ZMPSTE24: variants seen among roughly 807,000 people sequenced by gnomAD.
ZMPSTE24 encodes CAAX prenyl protease 1 homolog.
In ZMPSTE24, 48 loss-of-function variants were observed where a neutral mutation model predicts 56.7. The observed-to-expected ratio is 0.85, with a 90% CI of 0.67 to 1.08. The LOEUF (loss-of-function observed/expected upper bound fraction) is 1.08. Ranked by LOEUF, ZMPSTE24 falls within the 50% of genes least tolerant of loss-of-function variation. The pLI is 0.00. For missense variants in ZMPSTE24, 503 were observed against 548.7 expected (o/e 0.92, Z 0.83); for synonymous variants, 172 against 195.2 (o/e 0.88, Z 0.99).
intron 5 of ZMPSTE24, among the ~76,000 whole-genome samples, chr1:40,270,995 A>C (rs1643609261): frequency 6.6e-6 from 1 of 152,204 alleles, no homozygotes; most frequent in African/African-American, 2.4e-5. Flanking sequence ...AAAAACCCAA[A>C]GTGGTCTGTT....
At chr1:40,279,265 G>A (rs1325394504) in intron 6 of ZMPSTE24, among the ~76,000 whole-genome samples, 1 of 152,202 alleles carries the variant, frequency 6.6e-6, no homozygotes, top group Non-Finnish European at 1.5e-5. Context: ...TTAGAATTTA[G>A]TGATAAACAT....
chr1:40,278,341 G>A (rs1450777441), intron 6 of ZMPSTE24, among the ~76,000 whole-genome samples: 1 of 151,742 alleles, frequency 6.6e-6, no homozygotes, highest in Non-Finnish European at 1.5e-5. Flanking sequence ...CTCGTGTAAC[G>A]AGGTCAGGAG....
chr1:40,281,679 G>A (rs1643731799), intron 7 of ZMPSTE24, 152 bp downstream of exon 7: 7 of 794,904 alleles, frequency 8.8e-6, no homozygotes, highest in Non-Finnish European at 1.4e-5. Flanking sequence ...TGGTATTTAG[G>A]AGAGATCACC....
intron 2 of ZMPSTE24, among the ~76,000 whole-genome samples, chr1:40,266,115 A>G (rs998790735): frequency 6.6e-6 from 1 of 152,252 alleles, no homozygotes; most frequent in African/African-American, 2.4e-5. Flanking sequence ...TAAGTATAAT[A>G]TGATGTCATT....
At chr1:40,260,802 A>G in intron 1 of ZMPSTE24, 37 bp from the exon 2 acceptor site, 1 of 1,597,382 alleles carries the variant, frequency 6.3e-7, no homozygotes, top group South Asian at 1.1e-5. Flanking sequence ...GTAATAAACA[A>G]CTATTTCACT....
intron 6 of ZMPSTE24, among the ~76,000 whole-genome samples, chr1:40,275,920 G>T (rs74068387): frequency 0.03 from 4,515 of 152,210 alleles, 248 homozygotes; most frequent in African/African-American, 0.1. Context: ...TCAGAACACC[G>T]GATTCAGCCA....
intron 8 of ZMPSTE24, among the ~76,000 whole-genome samples, chr1:40,287,536 G>T (rs200140196): frequency 6.6e-6 from 1 of 151,898 alleles, no homozygotes. Flanking sequence ...AATTAGCCAG[G>T]CGTGGTGGCA....
chr1:40,263,724 C>T (rs1380636780), intron 2 of ZMPSTE24, among the ~76,000 whole-genome samples: 1 of 145,106 alleles, frequency 6.9e-6, no homozygotes, highest in Non-Finnish European at 1.5e-5. Context: ...AGAAGATTAG[C>T]TTCGACTTTT....
chr1:40,260,769 A>G (rs879468471), intron 1 of ZMPSTE24, 70 bp from the exon 2 acceptor site: 3 of 1,521,218 alleles, frequency 2.0e-6, no homozygotes, highest in Admixed American at 3.4e-5. Context: ...AAACCATTCG[A>G]TGTTTGATCA....
At position 40,284,126 on chromosome 1, in the gene ZMPSTE24, G is replaced by A. The variant is rs74927313; in HGVS notation, c.955-1799G>A. Among the ~76,000 whole-genome samples, 106 of 104,008 alleles carry A rather than the reference G, an allele frequency of 1.0e-3. 1 individual carries two copies. The highest frequency in any genetic ancestry group is 3.7e-3 in the African/African-American group (93 of 24,908). 68.2% of individuals were successfully genotyped at this position (104,008 alleles called of 152,430 possible). A position where few individuals can be genotyped will look rare whatever the true frequency, so the allele number is the denominator to read the frequency against. On this transcript the variant is annotated intron_variant, in intron 7 of 9. Transcript: ENST00000372759. Reference sequence around the variant, plus strand: ...AATTTTTTTTTTTTTTTTTTTTTTGGTATCTTTAGTAGAGACGGGGTTTCA... The same window carrying A: ...AATTTTTTTTTTTTTTTTTTTTTTGATATCTTTAGTAGAGACGGGGTTTCA...
At chr1:40,264,566 T>C (rs917708952) in intron 2 of ZMPSTE24, among the ~76,000 whole-genome samples, 2 of 152,066 alleles carry the variant, frequency 1.3e-5, no homozygotes, top group Admixed American at 1.3e-4. Flanking sequence ...CCCTTTTCCC[T>C]GCCTGTTTTT....
intron 2 of ZMPSTE24, among the ~76,000 whole-genome samples, chr1:40,264,066 T>A (rs1000910796): frequency 2.0e-5 from 3 of 152,310 alleles, no homozygotes; most frequent in East Asian, 3.9e-4. Flanking sequence ...GTACGGTGGC[T>A]CACGCCTGTA....
intron 6 of ZMPSTE24, among the ~76,000 whole-genome samples, chr1:40,277,811 A>G (rs1220680569): frequency 2.0e-5 from 3 of 151,854 alleles, no homozygotes; most frequent in Non-Finnish European, 2.9e-5. Context: ...TCTACTAAAA[A>G]TACAAAAATT....
At chr1:40,274,187 C>CA (rs2124584977) in intron 6 of ZMPSTE24, among the ~76,000 whole-genome samples, 1 of 152,312 alleles carries the variant, frequency 6.6e-6, no homozygotes, top group South Asian at 2.1e-4. Flanking sequence ...GAGTTCGAGA[C>CA]AAACTACTTG....
intron 2 of ZMPSTE24, among the ~76,000 whole-genome samples, chr1:40,267,145 C>T (rs941506888): frequency 6.6e-6 from 1 of 151,702 alleles, no homozygotes; most frequent in Non-Finnish European, 1.5e-5. Flanking sequence ...TGTTTTAGAA[C>T]AGCTTTATTG....
intron 6 of ZMPSTE24, among the ~76,000 whole-genome samples, chr1:40,275,121 T>C (rs1249406809): frequency 1.3e-5 from 2 of 152,008 alleles, no homozygotes; most frequent in African/African-American, 2.4e-5. Flanking sequence ...AAAAACTGCT[T>C]ATTGAAGCAC....
chr1:40,285,093 TTTA>T (rs148578925), intron 7 of ZMPSTE24, among the ~76,000 whole-genome samples: 61,964 of 144,522 alleles, frequency 0.43, 14,676 homozygotes, highest in African/African-American at 0.64. Context: ...GCCTGGCTAA[TTTA>T]TTATTATTAT....
intron 8 of ZMPSTE24, among the ~76,000 whole-genome samples, chr1:40,289,885 G>A (rs1009964084): frequency 6.6e-6 from 1 of 152,136 alleles, no homozygotes; most frequent in African/African-American, 2.4e-5. Flanking sequence ...TCAGGTGGGA[G>A]GCGTTGTATC....
At chr1:40,273,540 AT>A (rs1557776802) in intron 6 of ZMPSTE24, among the ~76,000 whole-genome samples, 42 of 78,418 alleles carry the variant, frequency 5.4e-4, no homozygotes, top group African/African-American at 2.3e-3. Context: ...AAAAAAAAAT[AT>A]ATATATATAT....
Sources: allele counts gnomAD v4.1 joint callset (sites outside exome capture counted in the v4.1 genomes callset), GRCh38; gene constraint gnomAD v4.1.1; transcripts MANE v1.5; gene names NCBI Gene and HGNC (gene_info 2026-07-23, HGNC 2026-07-21).